Variants in UBA3 observed in about 807,000 individuals in gnomAD.
The protein encoded by UBA3 is ubiquitin like modifier activating enzyme 3.
In UBA3, 26 loss-of-function variants were observed where a neutral mutation model predicts 73.5. The observed-to-expected ratio is 0.35, with a 90% CI of 0.26 to 0.49. The LOEUF (loss-of-function observed/expected upper bound fraction) is 0.49. Ranked by LOEUF, UBA3 falls within the 20% of genes least tolerant of loss-of-function variation. The probability of loss-of-function intolerance (pLI) is 0.98; values close to 1 mark genes in which losing one functional copy is unlikely to be tolerated. For missense variants in UBA3, 495 were observed against 555.6 expected, an observed-to-expected ratio of 0.89 and a Z score of 1.10; for synonymous variants, 217 against 191.2, an observed-to-expected ratio of 1.13 and a Z score of -1.11.
rs772761153 is a variant in UBA3 at position 69,067,998 on chromosome 3, T to C, written c.358A>G (p.Ile120Val). The change falls in exon 6 of 18, where the codon ATT becomes GTT. Residue 120 changes from isoleucine to valine, a missense_variant. Ile to Val is a conservative substitution (Grantham distance 29). Transcript: ENST00000361055. ...NRQFLFRPKD[I>V]GRPKAEVAAE... Reference sequence around the variant, plus strand: ...GCAACTTCAGCCTTAGGTCTTCCAATATCTTTAGGCCTACAGGAAAAATAT... The same window carrying C: ...GCAACTTCAGCCTTAGGTCTTCCAACATCTTTAGGCCTACAGGAAAAATAT... 9 of 1,597,156 alleles carry C rather than the reference T, an allele frequency of 5.6e-6. No individual in the cohort carries two copies. In the Admixed American group the frequency reaches 1.4e-4, roughly 24 times the overall value.
At chr3:69,078,505 A>G (rs2092188586) in intron 2 of UBA3, among the ~76,000 whole-genome samples, 1 of 152,000 alleles carries the variant, frequency 6.6e-6, no homozygotes, top group African/African-American at 2.4e-5. Flanking sequence ...ACAGAGTCTC[A>G]CTGTGTTGCC....
chr3:69,056,769 A>C lies in UBA3; in HGVS notation c.1001+10T>G. 6.2e-7 allele frequency: 1 copy of C among 1,612,694 alleles called. No homozygotes were observed. The highest frequency in any genetic ancestry group is 8.5e-7 in the Non-Finnish European group (1 of 1,179,492). On this transcript the variant is annotated intron_variant, in intron 13 of 17. Transcript: ENST00000361055. ...AAATTTACATGCATATTAAAAATGAAACCTATTACCTTGTGGCTATTTTAA... is the reference window on the plus strand; with the variant it reads ...AAATTTACATGCATATTAAAAATGACACCTATTACCTTGTGGCTATTTTAA...
In UBA3 at chr3:69,077,856, T is replaced by A. The variant is rs376817724; in HGVS notation, c.125A>T (p.Lys42Met). 1 of 1,614,162 alleles carries A rather than the reference T, an allele frequency of 6.2e-7. No homozygotes were observed. Among genetic ancestry groups the A allele is most frequent in the Non-Finnish European group, 8.5e-7 (1 of 1,180,008 alleles). ...GDWEGRWNHV[K>M]KFLERSGPFT... is the part of the protein sequence containing the mutation. ...GGGTCCAGATCGCTCGAGGAACTTC[T>A]TTACATGGTTCCAGCGACCTTCCCA... The change falls in exon 3 of 18, where the codon AAG becomes ATG. Residue 42 changes from lysine to methionine, a missense_variant. By Grantham distance (95) the Lys-to-Met change is moderately conservative. Coordinates refer to ENST00000361055, the MANE Select transcript of UBA3 (RefSeq NM_003968.4).
At chr3:69,079,534 AAT>A (rs2092199660) in intron 2 of UBA3, among the ~76,000 whole-genome samples, 1 of 152,254 alleles carries the variant, frequency 6.6e-6, no homozygotes, top group Admixed American at 6.5e-5. Context: ...ACCAGCATAG[AAT>A]TAAGCATCTG....
chr3:69,079,880 C>A (rs2092203013), intron 2 of UBA3: 3 of 505,924 alleles, frequency 5.9e-6, no homozygotes, highest in Non-Finnish European at 1.0e-5. Flanking sequence ...AGGGCCCCTG[C>A]AGGAGCTGGG....
intron 4 of UBA3, among the ~76,000 whole-genome samples, chr3:69,073,064 CCT>C (rs1559646775): frequency 2.6e-5 from 4 of 152,152 alleles, no homozygotes; most frequent in African/African-American, 2.4e-5. Context: ...GTTTCTTCCC[CCT>C]CTCTGCTCTT....
intron 5 of UBA3, among the ~76,000 whole-genome samples, chr3:69,069,672 A>G (rs180744507): frequency 3.3e-5 from 5 of 152,158 alleles, no homozygotes; most frequent in Admixed American, 3.3e-4. Flanking sequence ...TTGATTCAAA[A>G]CTTTTGGTAA....
In UBA3 at chr3:69,057,197, A is replaced by G. The variant is rs566425879; in HGVS notation, c.964+59T>C. 5.8e-6 allele frequency: 9 copies of G among 1,538,722 alleles called. No individual in the cohort carries two copies. The East Asian group carries it at 1.6e-4, about 27-fold the overall frequency. On this transcript the variant is annotated intron_variant, in intron 12 of 17. Transcript: ENST00000361055. ...AATTCCTACAACACAAAAAAGCTGC[A>G]GCAACGTCAAAAACTAAAGAAAGCA...
chr3:69,056,585 C>T, intron 14 of UBA3, 27 bp downstream of exon 14: 1 of 1,555,888 alleles, frequency 6.4e-7, no homozygotes, highest in Non-Finnish European at 8.8e-7. Context: ...TATGCATGAT[C>T]AAAAATGTGT....
chr3:69,055,717 G>A, intron 17 of UBA3, 134 bp downstream of exon 17: 3 of 936,454 alleles, frequency 3.2e-6, no homozygotes, highest in Non-Finnish European at 4.9e-6. Flanking sequence ...CTATTAATAT[G>A]TCTAAAGTTG....
intron 14 of UBA3, 132 bp from the exon 15 acceptor site, chr3:69,056,415 AGCC>A: frequency 5.5e-6 from 5 of 906,924 alleles, no homozygotes; most frequent in Non-Finnish European, 8.1e-6. Flanking sequence ...TATGCTTTAA[AGCC>A]TGCTTTTCAT....
chr3:69,064,781 C>T (rs1575836667), intron 6 of UBA3, among the ~76,000 whole-genome samples: 1 of 152,036 alleles, frequency 6.6e-6, no homozygotes, highest in East Asian at 1.9e-4. Context: ...GTTTTAATAG[C>T]ACATGTGTGC....
At chr3:69,064,713 G>A (rs918329931) in intron 6 of UBA3, among the ~76,000 whole-genome samples, 1 of 152,134 alleles carries the variant, frequency 6.6e-6, no homozygotes, top group East Asian at 1.9e-4. Flanking sequence ...CATCCCTGGA[G>A]GCTAAAAAGG....
In UBA3 at chr3:69,059,202, A is replaced by G. The variant is rs1051279064; in HGVS notation, c.911-1893T>C. Among the ~76,000 whole-genome samples the G allele has an allele frequency of 1.8e-4, 27 of 152,202 alleles. 1 individual carries two copies. Among genetic ancestry groups the G allele is most frequent in the Non-Finnish European group, 7.3e-5 (5 of 68,038 alleles). ...AAAATGAGGTATGTGTTAGACTGAGAATGATGGATGCAGTCCATTAGAGAG... is the reference window on the plus strand; with the variant it reads ...AAAATGAGGTATGTGTTAGACTGAGGATGATGGATGCAGTCCATTAGAGAG... On this transcript the variant is annotated intron_variant, in intron 11 of 17. Transcript: ENST00000361055.
intron 4 of UBA3, among the ~76,000 whole-genome samples, chr3:69,072,589 A>C (rs1035307625): frequency 6.6e-6 from 1 of 152,234 alleles, no homozygotes; most frequent in South Asian, 2.1e-4. Context: ...ATGAGAATTT[A>C]AACACTTTTT....
rs540053717 is a variant in UBA3, at chr3:69,054,837, A to G, written c.*600T>C. On this transcript the variant is annotated 3_prime_UTR_variant, in exon 18 of 18. Transcript: ENST00000361055. ...GTCTTGGCATTAGTTAATATTGTGC[A>G]TATTGGCCTCTATGGCACTACAAGT... 5.3e-5 allele frequency: 8 copies of G among 152,354 alleles called. No homozygotes were observed. Among genetic ancestry groups the G allele is most frequent in the South Asian group, 2.1e-4 (1 of 4,832 alleles). The allele number at this position is 152,354 out of a possible 1,614,324, so 9.4% of individuals were successfully genotyped here. A position where few individuals can be genotyped will look rare whatever the true frequency, so the allele number is the denominator to read the frequency against.
Position 69,062,971 on chromosome 3 carries a change from T to G in UBA3, c.693+11A>C. Reference sequence around the variant, plus strand: ...ATACTATAAAAGAAATGCAGGTGCTTTTTTGATTACCTGTGGTGGATAAAG... The same window carrying G: ...ATACTATAAAAGAAATGCAGGTGCTGTTTTGATTACCTGTGGTGGATAAAG... On this transcript the variant is annotated intron_variant, in intron 9 of 17. Coordinates refer to ENST00000361055, the MANE Select transcript of UBA3 (RefSeq NM_003968.4). The G allele has an allele frequency of 6.2e-7, 1 of 1,613,072 alleles. No individual in the cohort carries two copies. The highest frequency in any genetic ancestry group is 8.5e-7 in the Non-Finnish European group (1 of 1,179,488).
chr3:69,061,134 G>A (rs891887842), intron 11 of UBA3, among the ~76,000 whole-genome samples: 3 of 152,232 alleles, frequency 2.0e-5, no homozygotes, highest in Non-Finnish European at 4.4e-5. Flanking sequence ...TATGTTAAAA[G>A]CTATTACTTA....
intron 3 of UBA3, among the ~76,000 whole-genome samples, chr3:69,075,816 C>G (rs1430049896): frequency 6.6e-6 from 1 of 152,054 alleles, no homozygotes; most frequent in African/African-American, 2.4e-5. Context: ...ACTGCAACCT[C>G]CGCCTCCCAG....
Sources: gnomAD v4.1 joint callset for allele counts (sites outside exome capture counted in the v4.1 genomes callset) on GRCh38, gnomAD v4.1.1 for gene constraint, MANE v1.5 for transcripts, NCBI Gene and HGNC (gene_info 2026-07-23, HGNC 2026-07-21) for gene names.